Variants in PALMD observed in about 807,000 individuals in gnomAD.
PALMD encodes the protein palmdelphin.
In PALMD, 42 loss-of-function variants were observed where a neutral mutation model predicts 56.2. That is an observed-to-expected ratio of 0.75 (90% CI 0.58 to 0.97). The LOEUF is 0.97. PALMD is among the 50% of genes least tolerant of loss of function. The pLI is 0.00. For synonymous variants in PALMD, 242 were observed against 222.9 expected (o/e 1.09, Z -0.76); for missense variants, 660 against 643.8 (o/e 1.03, Z -0.27).
intron 3 of PALMD, chr1:99,683,136 A>C (rs144255354): frequency 8.0e-6 from 1 of 124,890 alleles, no homozygotes; most frequent in South Asian, 2.3e-4. Context: ...GAAAGAAAGA[A>C]AGAAAGAAAG....
chr1:99,693,282 A>C (rs1173488724), intron 7 of PALMD, among the ~76,000 whole-genome samples: 3 of 151,636 alleles, frequency 2.0e-5, no homozygotes, highest in Non-Finnish European at 2.9e-5. Context: ...CAACTTTTGG[A>C]ACATGACTAA....
At chr1:99,673,326 T>C (rs1185924839) in intron 3 of PALMD, among the ~76,000 whole-genome samples, 1 of 152,198 alleles carries the variant, frequency 6.6e-6, no homozygotes, top group Non-Finnish European at 1.5e-5. Context: ...TGCAGGTCAA[T>C]TGTACCTTAA....
At position 99,688,956 on chromosome 1, in the gene PALMD, T is replaced by A. The variant is rs772332206; in HGVS notation, c.696T>A (p.Asp232Glu). 1 of 1,613,620 alleles carries A rather than the reference T, an allele frequency of 6.2e-7. No individual in the cohort carries two copies. The highest frequency in any genetic ancestry group is 8.5e-7 in the Non-Finnish European group (1 of 1,179,662). The change falls in exon 7 of 8, where the codon GAT (aspartate) becomes GAA (glutamate). Residue 232 changes from aspartate (D) to glutamate (E), a missense_variant. By Grantham distance (45) the Asp-to-Glu change is conservative. Coordinates refer to ENST00000263174, the MANE Select transcript of PALMD (RefSeq NM_017734.5). ...ACAGTGCAGCATACAATGGCACCGATGGCCTGGCACCAGTTGAAGTAGAGG... is the reference window on the plus strand; with the variant it reads ...ACAGTGCAGCATACAATGGCACCGAAGGCCTGGCACCAGTTGAAGTAGAGG... Reference protein sequence around the residue: ...SNHSAAYNGTDGLAPVEVEEL... With the variant: ...SNHSAAYNGTEGLAPVEVEEL...
intron 1 of PALMD, among the ~76,000 whole-genome samples, chr1:99,653,739 C>A (rs1438212820): frequency 6.6e-6 from 1 of 152,070 alleles, no homozygotes; most frequent in East Asian, 1.9e-4. Flanking sequence ...TCGACACCCC[C>A]CAAAAAACCC....
chr1:99,653,413 A>G (rs1211777853), intron 1 of PALMD, among the ~76,000 whole-genome samples: 1 of 150,786 alleles, frequency 6.6e-6, no homozygotes, highest in Non-Finnish European at 1.5e-5. Context: ...AGACAAAGGA[A>G]AAAAAGAGTA....
At position 99,689,299 on chromosome 1, in the gene PALMD, C is replaced by A. The variant is rs1248309073; in HGVS notation, c.1039C>A (p.Leu347Ile). The A allele has an allele frequency of 6.2e-7, 1 of 1,613,434 alleles. No individual in the cohort carries two copies. Among genetic ancestry groups the A allele is most frequent in the Non-Finnish European group, 8.5e-7 (1 of 1,179,810 alleles). Reference protein sequence around the residue: ...EEKLHTPQKRLMTPWEESNVM... With the variant: ...EEKLHTPQKRIMTPWEESNVM... ...GAAGCTTCACACCCCGCAAAAAAGG[C>A]TAATGACTCCTTGGGAAGAATCGAA... Residue 347 changes from leucine to isoleucine, a missense_variant, in exon 7 of 8, where the codon CTA becomes ATA. Transcript: ENST00000263174.
At chr1:99,692,420 CA>C (rs1653669598) in intron 7 of PALMD, among the ~76,000 whole-genome samples, 1 of 152,100 alleles carries the variant, frequency 6.6e-6, no homozygotes, top group Admixed American at 6.6e-5. Flanking sequence ...AGGGATCAGA[CA>C]GGAGCAGAAA....
chr1:99,669,606 A>T (rs1653042232), intron 3 of PALMD: 1 of 152,198 alleles, frequency 6.6e-6, no homozygotes, highest in African/African-American at 2.4e-5. Context: ...AACACCTACA[A>T]CTTTCTCTGC....
chr1:99,678,414 A>G (rs938716371), intron 3 of PALMD, among the ~76,000 whole-genome samples: 1 of 152,060 alleles, frequency 6.6e-6, no homozygotes, highest in African/African-American at 2.4e-5. Flanking sequence ...CCAGTAACTC[A>G]TCTTTACTAA....
In PALMD at chr1:99,646,230, G is replaced by A; in HGVS notation, c.-88G>A. ...GCGGATTTCTCCCTGCTTCTCTTCT[G>A]TCACCCCCGCTCCTCTCCCCCAGGA... On this transcript the variant is annotated 5_prime_UTR_variant, in exon 1 of 8. Transcript: ENST00000263174. 2 of 1,011,652 alleles carry A rather than the reference G, an allele frequency of 2.0e-6. No individual in the cohort carries two copies. The highest frequency in any genetic ancestry group is 2.6e-5 in the South Asian group (2 of 77,698). The allele number at this position is 1,011,652 out of a possible 1,614,324, so 62.7% of individuals were successfully genotyped here.
chr1:99,662,303 A>C lies in PALMD; in HGVS notation c.46-16A>C. 7.6e-7 allele frequency: 1 copy of C among 1,321,472 alleles called. No homozygotes were observed. The highest frequency in any genetic ancestry group is 1.1e-6 in the Non-Finnish European group (1 of 924,018). 81.9% of individuals were successfully genotyped at this position (1,321,472 alleles called of 1,614,324 possible). A position where few individuals can be genotyped will look rare whatever the true frequency, so the allele number is the denominator to read the frequency against. On this transcript the variant is annotated splice_polypyrimidine_tract_variant and intron_variant, in intron 1 of 7. Transcript: ENST00000263174. ...AAATTTTAAAAATAAAATATACTGGAACTTTTTTATTTCAGGATAAAAGAA... is the reference window on the plus strand; with the variant it reads ...AAATTTTAAAAATAAAATATACTGGCACTTTTTTATTTCAGGATAAAAGAA...
At chr1:99,670,541 T>C (rs1653060689) in intron 3 of PALMD, among the ~76,000 whole-genome samples, 1 of 151,852 alleles carries the variant, frequency 6.6e-6, no homozygotes, top group African/African-American at 2.4e-5. Flanking sequence ...AGCTGAAAAA[T>C]GAAGAGAGCT....
At chr1:99,662,290 T>C (rs770294240) in intron 1 of PALMD, 29 bp from the exon 2 acceptor site, 1 of 1,202,654 alleles carries the variant, frequency 8.3e-7, no homozygotes. Context: ...ATTTTAAAAA[T>C]AAAATATACT....
At chr1:99,673,155 T>TA (rs1653123286) in intron 3 of PALMD, among the ~76,000 whole-genome samples, 1 of 152,064 alleles carries the variant, frequency 6.6e-6, no homozygotes, top group Non-Finnish European at 1.5e-5. Context: ...CTCAATTAAC[T>TA]AAAAAGAGAG....
At chr1:99,690,978 C>T (rs1213099430) in intron 7 of PALMD, among the ~76,000 whole-genome samples, 1 of 152,090 alleles carries the variant, frequency 6.6e-6, no homozygotes, top group African/African-American at 2.4e-5. Context: ...AATGAACCTT[C>T]TCCCATTATT....
intron 3 of PALMD, among the ~76,000 whole-genome samples, chr1:99,681,115 G>A (rs568628891): frequency 1.4e-4 from 19 of 139,194 alleles, no homozygotes; most frequent in African/African-American, 4.1e-4. Context: ...ATGTGTGTGT[G>A]TGTGTGTGTG....
At chr1:99,661,311 A>G (rs1652842126) in intron 1 of PALMD, among the ~76,000 whole-genome samples, 1 of 152,262 alleles carries the variant, frequency 6.6e-6, no homozygotes, top group Non-Finnish European at 1.5e-5. Flanking sequence ...AAATGTCTCA[A>G]ACAATTCCAG....
rs930279915 is a variant in PALMD at position 99,673,682 on chromosome 1, C to T, written c.251+5916C>T. Among the ~76,000 whole-genome samples the T allele has an allele frequency of 5.3e-5, 8 of 152,066 alleles. No homozygotes were observed. In the South Asian group the frequency reaches 1.7e-3, roughly 32 times the overall value. On this transcript the variant is annotated intron_variant, in intron 3 of 7. Coordinates refer to ENST00000263174, the MANE Select transcript of PALMD (RefSeq NM_017734.5). The stretch of plus-strand genomic sequence containing the variant: ...TGTTGTTTTCAATTTCCCAGATAGT[C>T]TGATTATTTTTAATTCAGGAGCTTC...
intron 1 of PALMD, among the ~76,000 whole-genome samples, chr1:99,648,051 A>G (rs1200927142): frequency 6.6e-6 from 1 of 152,232 alleles, no homozygotes; most frequent in Non-Finnish European, 1.5e-5. Context: ...ATGCAGATGT[A>G]TGCTTTTTTG....
Sources: allele counts gnomAD v4.1 joint callset (sites outside exome capture counted in the v4.1 genomes callset), GRCh38; gene constraint gnomAD v4.1.1; transcripts MANE v1.5; gene names NCBI Gene and HGNC (gene_info 2026-07-23, HGNC 2026-07-21).